The following ELF2 variants were observed in gnomAD, a reference collection of about 807,000 sequenced individuals.
The protein encoded by ELF2 is E74 like ETS transcription factor 2, also known as ETS-related transcription factor Elf-2.
Under a neutral mutation model 54.8 loss-of-function variants are expected in ELF2, and 11 were observed. The ratio of observed to expected loss-of-function variants is 0.20; its 90% confidence interval spans 0.13 to 0.33. The LOEUF (loss-of-function observed/expected upper bound fraction) is 0.33. ELF2 is among the 10% of genes least tolerant of loss of function. The pLI is 1.00. For missense variants in ELF2, 513 were observed against 703.0 expected (o/e 0.73, Z 3.06); for synonymous variants, 203 against 245.1 (o/e 0.83, Z 1.61).
At chr4:139,105,912 C>A (rs1734359504) in intron 4 of ELF2, among the ~76,000 whole-genome samples, 1 of 152,132 alleles carries the variant, frequency 6.6e-6, no homozygotes, top group Non-Finnish European at 1.5e-5. Flanking sequence ...CGATCCCTGG[C>A]CAACAGCAGC....
At chr4:139,136,501 T>C (rs1217734737) in intron 3 of ELF2, among the ~76,000 whole-genome samples, 1 of 150,804 alleles carries the variant, frequency 6.6e-6, no homozygotes, top group Non-Finnish European at 1.5e-5. Context: ...ACCGTTATAC[T>C]GGTAGGAAGC....
intron 4 of ELF2, among the ~76,000 whole-genome samples, chr4:139,120,524 C>T (rs1736208891): frequency 6.6e-6 from 1 of 152,182 alleles, no homozygotes; most frequent in Non-Finnish European, 1.5e-5. Context: ...CCTGTAACCT[C>T]AAACTCTAAT....
chr4:139,099,805 A>G (rs1424582504), intron 4 of ELF2, among the ~76,000 whole-genome samples: 1 of 152,240 alleles, frequency 6.6e-6, no homozygotes, highest in Admixed American at 6.5e-5. Flanking sequence ...AACAAAACAC[A>G]TTAAATAATG....
chr4:139,155,049 T>C (rs1740390125), intron 1 of ELF2: 1 of 152,180 alleles, frequency 6.6e-6, no homozygotes, highest in African/African-American at 2.4e-5. Context: ...ACTTTCTAAA[T>C]TGATTGAGAC....
At position 139,059,165 on chromosome 4, in the gene ELF2, C is replaced by A; in HGVS notation, c.1600G>T (p.Glu534Ter). Residue 534 changes from glutamate (E) to a stop codon, truncating the protein, a stop_gained, in exon 10 of 10, where the codon GAG becomes TAG. Coordinates refer to ENST00000686138, the MANE Select transcript of ELF2 (RefSeq NM_001331036.3). LOFTEE classifies it high-confidence loss of function. Reference protein sequence around the residue: ...RVISAVIKGPEVKSEAVAKKQ... With the variant: ...RVISAVIKGP Reference sequence around the variant, plus strand: ...TTTGCCACTGCTTCCGATTTAACCTCTGGCCCCTTTATGACTGCACTGATA... The same window carrying A: ...TTTGCCACTGCTTCCGATTTAACCTATGGCCCCTTTATGACTGCACTGATA... The A allele has an allele frequency of 6.2e-7, 1 of 1,613,982 alleles. No individual in the cohort carries two copies. Among genetic ancestry groups the A allele is most frequent in the East Asian group, 2.2e-5 (1 of 44,892 alleles).
At chr4:139,119,726 C>T (rs1303651461) in intron 4 of ELF2, among the ~76,000 whole-genome samples, 4 of 152,194 alleles carry the variant, frequency 2.6e-5, no homozygotes, top group Non-Finnish European at 5.9e-5. Context: ...TTTTAGCATG[C>T]CATCTCTTTT....
intron 1 of ELF2, among the ~76,000 whole-genome samples, chr4:139,141,806 A>G (rs1158911348): frequency 6.6e-6 from 1 of 152,062 alleles, no homozygotes; most frequent in Non-Finnish European, 1.5e-5. Context: ...TTCTCTTCAG[A>G]TTCTTTACAC....
intron 3 of ELF2, among the ~76,000 whole-genome samples, chr4:139,132,759 A>C (rs527638244): frequency 6.6e-6 from 1 of 150,724 alleles, no homozygotes; most frequent in Non-Finnish European, 1.5e-5. Flanking sequence ...TATTTACCTA[A>C]GAGTCAAATT....
intron 5 of ELF2, 116 bp downstream of exon 5, chr4:139,073,338 G>T: frequency 1.8e-6 from 1 of 555,798 alleles, no homozygotes; most frequent in Non-Finnish European, 3.0e-6. Context: ...GTATTCATGT[G>T]TAATGTACCT....
At chr4:139,126,318 T>G (rs1382360632) in intron 3 of ELF2, among the ~76,000 whole-genome samples, 3 of 150,042 alleles carry the variant, frequency 2.0e-5, no homozygotes. Flanking sequence ...GGAGGTCCAC[T>G]ATCTGAATAA....
intron 7 of ELF2, among the ~76,000 whole-genome samples, chr4:139,065,331 G>A (rs1043268953): frequency 6.6e-6 from 1 of 152,070 alleles, no homozygotes; most frequent in South Asian, 2.1e-4. Context: ...TTTAAAATTA[G>A]CCAGACACGG....
intron 1 of ELF2, among the ~76,000 whole-genome samples, chr4:139,164,633 G>A (rs1436941588): frequency 6.6e-6 from 1 of 152,168 alleles, no homozygotes. Flanking sequence ...TGAGACCCTG[G>A]CTCAAAACAA....
intron 1 of ELF2, among the ~76,000 whole-genome samples, chr4:139,165,545 C>T (rs1010669184): frequency 5.3e-5 from 8 of 152,170 alleles, no homozygotes; most frequent in Non-Finnish European, 2.9e-5. Flanking sequence ...CGCCTGTAAT[C>T]CCAGCTACCC....
intron 4 of ELF2, chr4:139,102,003 A>G (rs1578798457): frequency 6.6e-6 from 1 of 150,430 alleles, no homozygotes; most frequent in African/African-American, 2.4e-5. Context: ...AAAGGGGGGG[A>G]TGTCAAGTTT....
chr4:139,143,484 T>C (rs765364711), intron 1 of ELF2, among the ~76,000 whole-genome samples: 5 of 152,168 alleles, frequency 3.3e-5, no homozygotes, highest in Non-Finnish European at 4.4e-5. Context: ...AGCCACACAT[T>C]AAAGACCAGG....
chr4:139,085,542 T>C (rs144187096), intron 4 of ELF2, among the ~76,000 whole-genome samples: 14 of 152,322 alleles, frequency 9.2e-5, no homozygotes, highest in African/African-American at 3.4e-4. Flanking sequence ...AGCATCAGAA[T>C]GGATTTACAT....
intron 4 of ELF2, among the ~76,000 whole-genome samples, chr4:139,121,458 T>C (rs1274612159): frequency 2.6e-5 from 4 of 152,106 alleles, no homozygotes; most frequent in East Asian, 1.9e-4. Context: ...ATTGAGTTCA[T>C]TGGTATAAAC....
chr4:139,129,712 A>G (rs1737296464), intron 3 of ELF2, among the ~76,000 whole-genome samples: 1 of 152,214 alleles, frequency 6.6e-6, no homozygotes, highest in Admixed American at 6.5e-5. Flanking sequence ...TCAATTAGTG[A>G]CAGCTGATAT....
intron 1 of ELF2, among the ~76,000 whole-genome samples, chr4:139,172,943 T>TA (rs1742471282): frequency 9.3e-6 from 1 of 108,034 alleles, no homozygotes; most frequent in Non-Finnish European, 1.9e-5. Flanking sequence ...TATTCCAAAG[T>TA]AAAAAGGGAC....
Sources: gnomAD v4.1 joint callset for allele counts (sites outside exome capture counted in the v4.1 genomes callset) on GRCh38, gnomAD v4.1.1 for gene constraint, MANE v1.5 for transcripts, NCBI Gene and HGNC (gene_info 2026-07-23, HGNC 2026-07-21) for gene names.